The following PRKN variants were observed in gnomAD, a reference collection of about 807,000 sequenced individuals.
PRKN encodes the protein parkin RBR E3 ubiquitin protein ligase, also known as E3 ubiquitin-protein ligase parkin.
A neutral mutation model predicts 59.5 loss-of-function variants in PRKN; 56 were observed. That is an observed-to-expected ratio of 0.94 (90% CI 0.76 to 1.18). PRKN has a LOEUF of 1.18. Among genes scored for constraint, PRKN ranks in the 50% most tolerant of loss-of-function variants. The probability of loss-of-function intolerance (pLI) is 0.00; values close to 1 mark genes in which losing one functional copy is unlikely to be tolerated. For missense variants in PRKN, 657 were observed against 596.4 expected (o/e 1.10, Z -1.06); for synonymous variants, 250 against 222.1 (o/e 1.13, Z -1.12).
intron 7 of PRKN, among the ~76,000 whole-genome samples, chr6:161,755,249 C>T (rs553349114): frequency 1.1e-4 from 16 of 152,156 alleles, no homozygotes; most frequent in African/African-American, 3.9e-4. Context: ...ATCATCCATA[C>T]TCTCTGCAAT....
At chr6:162,130,880 G>A (rs1476564833) in intron 4 of PRKN, among the ~76,000 whole-genome samples, 2 of 152,100 alleles carry the variant, frequency 1.3e-5, no homozygotes, top group African/African-American at 4.8e-5. Flanking sequence ...AGTATCTAGT[G>A]TCTGGTAAAA....
chr6:161,350,156 C>T lies in PRKN; in HGVS notation c.1341G>A (p.Trp447Ter). Residue 447 changes from tryptophan to a stop codon, truncating the protein, a stop_gained, in exon 12 of 12, where the codon TGG (tryptophan) becomes TGA (stop). Coordinates refer to ENST00000366898, the MANE Select transcript of PRKN (RefSeq NM_004562.3). LOFTEE classifies it high-confidence loss of function. ...PQPQCRLEWCWNCGCEWNRVC... is the reference protein window; with the variant it reads ...PQPQCRLEWC ...CGCGGTTCCACTCGCAGCCACAGTT[C>T]CAGCACCACTCGAGCCTGCACTGGG... 1.2e-6 allele frequency: 2 copies of T among 1,613,678 alleles called. No homozygotes were observed. The highest frequency in any genetic ancestry group is 2.2e-5 in the East Asian group (1 of 44,864).
intron 3 of PRKN, among the ~76,000 whole-genome samples, chr6:162,209,259 A>T (rs1257587531): frequency 2.0e-5 from 3 of 152,196 alleles, no homozygotes; most frequent in Admixed American, 1.3e-4. Flanking sequence ...GAAAAAAACA[A>T]GCAACCCCAT....
chr6:161,822,055 T>TTGACA (rs2128216486), intron 6 of PRKN, among the ~76,000 whole-genome samples: 1 of 152,246 alleles, frequency 6.6e-6, no homozygotes, highest in East Asian at 1.9e-4. Context: ...TGCTTGGCTA[T>TTGACA]TGACATTTCT....
chr6:162,420,013 G>A (rs1292177037), intron 2 of PRKN, among the ~76,000 whole-genome samples: 5 of 152,274 alleles, frequency 3.3e-5, no homozygotes, highest in Non-Finnish European at 7.3e-5. Flanking sequence ...GGAGCAGGGA[G>A]ATGGTTTCAG....
intron 1 of PRKN, among the ~76,000 whole-genome samples, chr6:162,557,152 C>T (rs1395982964): frequency 6.6e-6 from 1 of 152,190 alleles, no homozygotes; most frequent in Non-Finnish European, 1.5e-5. Context: ...TGAACATCTC[C>T]AATAAGGCTC....
intron 6 of PRKN, among the ~76,000 whole-genome samples, chr6:161,877,696 C>A (rs1411761719): frequency 6.6e-6 from 1 of 151,936 alleles, no homozygotes; most frequent in Admixed American, 6.6e-5. Context: ...TCTTGATCTA[C>A]TGACCTCATG....
chr6:161,698,369 T>C (rs1449927489), intron 7 of PRKN, among the ~76,000 whole-genome samples: 1 of 152,134 alleles, frequency 6.6e-6, no homozygotes, highest in Admixed American at 6.6e-5. Context: ...TATTCATCCA[T>C]TGAAACAAAT....
At chr6:162,660,579 T>C (rs1446748238) in intron 1 of PRKN, among the ~76,000 whole-genome samples, 1 of 152,208 alleles carries the variant, frequency 6.6e-6, no homozygotes, top group Non-Finnish European at 1.5e-5. Flanking sequence ...TGCAGACCTC[T>C]GAGACAGTGT....
intron 9 of PRKN, among the ~76,000 whole-genome samples, chr6:161,537,791 T>A (rs1451533261): frequency 6.6e-6 from 1 of 152,192 alleles, no homozygotes; most frequent in South Asian, 2.1e-4. Context: ...CATTTGATAA[T>A]GTGTGTAAGA....
At chr6:162,232,679 T>G (rs1778473392) in intron 3 of PRKN, among the ~76,000 whole-genome samples, 1 of 152,146 alleles carries the variant, frequency 6.6e-6, no homozygotes, top group Non-Finnish European at 1.5e-5. Flanking sequence ...CTGCTGTGAC[T>G]TTATTCAAGG....
intron 2 of PRKN, among the ~76,000 whole-genome samples, chr6:162,436,127 G>T (rs1341194048): frequency 1.8e-5 from 2 of 113,732 alleles, no homozygotes; most frequent in African/African-American, 6.7e-5. Context: ...AGTGAGCCAA[G>T]ATCATGCTAT....
At chr6:162,539,076 A>T (rs1778825934) in intron 1 of PRKN, among the ~76,000 whole-genome samples, 1 of 152,246 alleles carries the variant, frequency 6.6e-6, no homozygotes, top group Non-Finnish European at 1.5e-5. Context: ...CAGGAGCATC[A>T]GTAAAATAGA....
chr6:162,250,504 T>G (rs1317185794), intron 3 of PRKN, among the ~76,000 whole-genome samples: 1 of 152,198 alleles, frequency 6.6e-6, no homozygotes, highest in Non-Finnish European at 1.5e-5. Flanking sequence ...GTATAATGAG[T>G]AACCATCCCC....
intron 1 of PRKN, among the ~76,000 whole-genome samples, chr6:162,521,697 T>C: frequency 6.6e-6 from 1 of 152,182 alleles, no homozygotes; most frequent in East Asian, 1.9e-4. Context: ...ATATATATAA[T>C]GTATGTATTA....
intron 7 of PRKN, among the ~76,000 whole-genome samples, chr6:161,651,666 C>T (rs1159104994): frequency 6.6e-6 from 1 of 152,170 alleles, no homozygotes; most frequent in Non-Finnish European, 1.5e-5. Flanking sequence ...AATCATCATA[C>T]AGGGCAGCTT....
intron 5 of PRKN, among the ~76,000 whole-genome samples, chr6:162,036,043 G>A (rs769545790): frequency 3.3e-5 from 5 of 152,188 alleles, no homozygotes; most frequent in Non-Finnish European, 5.9e-5. Flanking sequence ...AAAACAATAC[G>A]GCCGGGCGCG....
Position 161,938,604 on chromosome 6 carries a change from G to T in PRKN, c.734+34698C>A, listed in dbSNP as rs182526220. Among the ~76,000 whole-genome samples the T allele has an allele frequency of 2.4e-4, 36 of 152,250 alleles. No homozygotes were observed. In the East Asian group the frequency reaches 7.0e-3, roughly 29 times the overall value. On this transcript the variant is annotated intron_variant, in intron 6 of 11. Coordinates refer to ENST00000366898, the MANE Select transcript of PRKN (RefSeq NM_004562.3). ...TGAGATTATTATAATCATAAATTGG[G>T]ATAGAAAGTAAGAAGAAATTTTGAA... is the stretch of plus-strand genomic sequence containing the variant.
intron 9 of PRKN, among the ~76,000 whole-genome samples, chr6:161,437,990 C>T (rs1023710622): frequency 3.3e-5 from 5 of 152,048 alleles, no homozygotes; most frequent in African/African-American, 1.2e-4. Flanking sequence ...ATTATATGAG[C>T]CCACATCTAT....
Sources: gnomAD v4.1 joint callset for allele counts (sites outside exome capture counted in the v4.1 genomes callset) on GRCh38, gnomAD v4.1.1 for gene constraint, MANE v1.5 for transcripts, NCBI Gene and HGNC (gene_info 2026-07-23, HGNC 2026-07-21) for gene names.